MYO9B: variants seen among roughly 807,000 people sequenced by gnomAD.
MYO9B encodes myosin IXB.
In MYO9B, 71 loss-of-function variants were observed where a neutral mutation model predicts 229.5. That is an observed-to-expected ratio of 0.31 (90% confidence interval 0.26 to 0.38). MYO9B has a LOEUF of 0.38. Among genes scored for constraint, MYO9B ranks in the 10% least tolerant of loss-of-function variants. The pLI is 1.00. For synonymous variants in MYO9B, 1,185 were observed against 1,235.8 expected, an observed-to-expected ratio of 0.96 and a Z score of 0.86; for missense variants, 2,255 against 2,920.5, an observed-to-expected ratio of 0.77 and a Z score of 5.25.
intron 14 of MYO9B, among the ~76,000 whole-genome samples, chr19:17,176,428 C>A (rs574461232): frequency 4.6e-5 from 7 of 152,326 alleles, no homozygotes; most frequent in African/African-American, 1.7e-4. Flanking sequence ...GCCTCAGCCT[C>A]CCAAAGTGCT....
At chr19:17,176,873 C>A (rs1427917394) in intron 14 of MYO9B, among the ~76,000 whole-genome samples, 1 of 152,138 alleles carries the variant, frequency 6.6e-6, no homozygotes, top group Non-Finnish European at 1.5e-5. Context: ...GGGCCCTGCA[C>A]GCACCCAAGC....
chr19:17,100,236 G>A (rs1448330030), intron 1 of MYO9B, among the ~76,000 whole-genome samples: 3 of 151,922 alleles, frequency 2.0e-5, no homozygotes, highest in African/African-American at 2.4e-5. Flanking sequence ...TAGGGAAGTC[G>A]AGGTTGGCAC....
At chr19:17,127,603 A>G (rs12982956) in intron 2 of MYO9B, among the ~76,000 whole-genome samples, 38,581 of 152,102 alleles carry the variant, frequency 0.25, 5,154 homozygotes, top group East Asian at 0.41. Context: ...TGCTGGGATT[A>G]TATGTGTGAG....
rs1159523130 is a variant in MYO9B, at chr19:17,195,337, G to A, written c.3910G>A (p.Glu1304Lys). ...GCAGATCCAGCGGTACCTGGACGCCGAGCGGCTGGCCAGCGCCGTGGAACT... is the reference window on the plus strand; with the variant it reads ...GCAGATCCAGCGGTACCTGGACGCCAAGCGGCTGGCCAGCGCCGTGGAACT... ...STQIQRYLDA[E>K]RLASAVELWR... The change falls in exon 22 of 40, where the codon GAG becomes AAG. Residue 1304 changes from glutamate (E) to lysine (K), a missense_variant. Physicochemically the swap from Glu to Lys is moderately conservative, Grantham distance 56 (BLOSUM62 1). This residue lies in a region of MYO9B where 679 missense variants were observed against 770.2 expected (regional missense o/e 0.88). Transcript: ENST00000682292. This position sits in a 1 kb window ranked among gnomAD's most constrained non-coding sequence, Gnocchi z 4.5. The A allele has an allele frequency of 1.1e-5, 18 of 1,612,324 alleles. No individual in the cohort carries two copies. The highest frequency in any genetic ancestry group is 2.2e-5 in the East Asian group (1 of 44,888).
Position 17,200,474 on chromosome 19 carries a change from C to T in MYO9B, c.4372+48C>T, listed in dbSNP as rs751884764. ...GACAGACAGTAGAGCCACCAGTGCC[C>T]CTGGGGACATTCACTGTCCCCAAAC... On this transcript the variant is annotated intron_variant, in intron 25 of 39. Transcript: ENST00000682292. 10 of 1,537,486 alleles carry T rather than the reference C, an allele frequency of 6.5e-6. No individual in the cohort carries two copies. The African/African-American group carries it at 9.7e-5, about 15-fold the overall frequency.
chr19:17,150,190 AC>A (rs2145258601), intron 3 of MYO9B, among the ~76,000 whole-genome samples: 1 of 152,166 alleles, frequency 6.6e-6, no homozygotes, highest in South Asian at 2.1e-4. Context: ...GCGGTGGATC[AC>A]CTGAGGCCAG....
chr19:17,202,294 G>A lies in MYO9B; in HGVS notation c.4827G>A (p.Glu1609=). 1.9e-6 allele frequency: 3 copies of A among 1,562,366 alleles called. No individual in the cohort carries two copies. Among genetic ancestry groups the A allele is most frequent in the Non-Finnish European group, 2.6e-6 (3 of 1,154,266 alleles). The stretch of plus-strand genomic sequence containing the variant: ...GTGGCTACACCAAGAACGACTTCGA[G>A]CCAGTGAAGGTGGGCAGCCCAGCAT... ...FTRGYTKNDF[E]PVKQSKAQKK... The change falls in exon 28 of 40, where the codon GAG becomes GAA. Residue 1609 remains glutamate, a synonymous_variant. Coordinates refer to ENST00000682292, the MANE Select transcript of MYO9B (RefSeq NM_004145.4).
At chr19:17,187,751 T>C (rs2072935117) in intron 18 of MYO9B, among the ~76,000 whole-genome samples, 184 bp from the exon 19 acceptor site, 1 of 151,918 alleles carries the variant, frequency 6.6e-6, no homozygotes, top group South Asian at 2.1e-4. Flanking sequence ...CGTAGAACAC[T>C]CCCAGGTCGG....
chr19:17,095,227 T>C (rs986745819), intron 1 of MYO9B, among the ~76,000 whole-genome samples: 4 of 151,870 alleles, frequency 2.6e-5, no homozygotes, highest in Non-Finnish European at 5.9e-5. Context: ...CAAGACTGTG[T>C]CTCAAAAAAG....
chr19:17,147,370 G>T (rs1013390956), intron 3 of MYO9B, among the ~76,000 whole-genome samples: 1 of 151,738 alleles, frequency 6.6e-6, no homozygotes, highest in African/African-American at 2.4e-5. Flanking sequence ...TGGTGAAACC[G>T]CCATCTCTAC....
intron 2 of MYO9B, among the ~76,000 whole-genome samples, chr19:17,116,372 C>G (rs759521367): frequency 6.6e-6 from 1 of 152,150 alleles, no homozygotes; most frequent in Non-Finnish European, 1.5e-5. Flanking sequence ...CCGCAAACCC[C>G]CTAGGAGGAA....
rs188557415 is a variant in MYO9B, at chr19:17,194,510, G to A, written c.3129-46G>A. On this transcript the variant is annotated intron_variant, in intron 21 of 39. Coordinates refer to ENST00000682292, the MANE Select transcript of MYO9B (RefSeq NM_004145.4). The stretch of plus-strand genomic sequence containing the variant: ...CATCGGAACTCAGTGGGAGGTGGAG[G>A]GAGTGTTTGTTTCTGAACCAGCTGT... 5.0e-6 allele frequency: 8 copies of A among 1,588,768 alleles called. No individual in the cohort carries two copies. In the African/African-American group the frequency reaches 5.4e-5, roughly 11 times the overall value.
In MYO9B at chr19:17,172,243, C is replaced by T; in HGVS notation, c.1794-93C>T. 2 of 1,515,180 alleles carry T rather than the reference C, an allele frequency of 1.3e-6. No individual in the cohort carries two copies. The highest frequency in any genetic ancestry group is 2.6e-5 in the South Asian group (2 of 78,376). The allele number at this position is 1,515,180 out of a possible 1,614,324, so 93.9% of individuals were successfully genotyped here. On this transcript the variant is annotated intron_variant, in intron 11 of 39. Coordinates refer to ENST00000682292, the MANE Select transcript of MYO9B (RefSeq NM_004145.4). The surrounding 1 kb of genome is among the most constrained non-coding windows in gnomAD (Gnocchi z 8.2). ...TGCTCTGCCCACCCCATGCACCCAC[C>T]CACCTCGTGCACCAGGGGTCTGCAA...
rs375852686 is a variant in MYO9B at position 17,162,877 on chromosome 19, C to T, written c.1537-111C>T. ...AATGGCAAAGTGTTCTGCCGAGCAA[C>T]AGGGACTGGGGACCTAACAGGTCAC... On this transcript the variant is annotated intron_variant, in intron 9 of 39. Coordinates refer to ENST00000682292, the MANE Select transcript of MYO9B (RefSeq NM_004145.4). 106 of 1,217,104 alleles carry T rather than the reference C, an allele frequency of 8.7e-5. No homozygotes were observed. In the African/African-American group the frequency reaches 1.2e-3, roughly 14 times the overall value. The allele number at this position is 1,217,104 out of a possible 1,614,324, so 75.4% of individuals were successfully genotyped here.
At chr19:17,182,172 T>C (rs931126250) in intron 15 of MYO9B, among the ~76,000 whole-genome samples, 1 of 151,924 alleles carries the variant, frequency 6.6e-6, no homozygotes, top group Non-Finnish European at 1.5e-5. Context: ...TTCGACCTTC[T>C]GGGCTCAAGC....
intron 2 of MYO9B, among the ~76,000 whole-genome samples, chr19:17,108,286 C>T (rs2057812378): frequency 6.6e-6 from 1 of 152,172 alleles, no homozygotes; most frequent in Non-Finnish European, 1.5e-5. Context: ...AGGCTTGAGC[C>T]AAATCCACGT....
rs201121379 is a variant in MYO9B, at chr19:17,102,564, G to C, written c.840+7G>C. On this transcript the variant is annotated splice_region_variant and intron_variant, in intron 2 of 39. Transcript: ENST00000682292. ...TGCTGGCCCTGTGCTGGAGGTGAGC[G>C]GGGAAGCTGGTCGGTCTGTGGGAGG... 1.9e-6 allele frequency: 3 copies of C among 1,570,344 alleles called. No homozygotes were observed. The highest frequency in any genetic ancestry group is 2.3e-5 in the East Asian group (1 of 42,990).
chr19:17,209,979 T>C (rs2073207702), intron 36 of MYO9B, among the ~76,000 whole-genome samples: 1 of 152,260 alleles, frequency 6.6e-6, no homozygotes, highest in East Asian at 1.9e-4. Context: ...CACCAGGCCC[T>C]GCAGGTAGGG....
At chr19:17,144,842 C>T (rs534222778) in intron 2 of MYO9B, among the ~76,000 whole-genome samples, 39 of 151,342 alleles carry the variant, frequency 2.6e-4, no homozygotes, top group African/African-American at 7.8e-4. Flanking sequence ...TGGCAGCGTG[C>T]GCCTGTAATC....
Sources: allele counts gnomAD v4.1 joint callset (sites outside exome capture counted in the v4.1 genomes callset), GRCh38; gene constraint gnomAD v4.1.1; regional missense constraint gnomAD v4.1.1; non-coding constraint Gnocchi (gnomAD v3.1); transcripts MANE v1.5; gene names NCBI Gene and HGNC (gene_info 2026-07-23, HGNC 2026-07-21).